Variants in CR1 observed in about 807,000 individuals in gnomAD.
CR1 encodes the protein complement C3b/C4b receptor 1 (Knops blood group), also known as complement receptor type 1.
Under a neutral mutation model 187.3 loss-of-function variants are expected in CR1, and 116 were observed. The ratio of observed to expected loss-of-function variants is 0.62; its 90% CI spans 0.53 to 0.72. CR1 has a LOEUF of 0.72. Ranked by LOEUF, CR1 falls within the 30% of genes least tolerant of loss-of-function variation. CR1 has a pLI of 0.00. For synonymous variants in CR1, 576 were observed against 747.1 expected (o/e 0.77, Z 3.73); for missense variants, 1,731 against 2,110.7 (o/e 0.82, Z 3.52).
At chr1:207,608,147 T>C (rs1027947397) in intron 36 of CR1, among the ~76,000 whole-genome samples, 19 of 152,204 alleles carry the variant, frequency 1.2e-4, no homozygotes, top group Admixed American at 5.2e-4. Flanking sequence ...TGGAAAATGT[T>C]AAACAACCTA....
rs748157061 is a variant in CR1 at position 207,620,065 on chromosome 1, C to A, written c.7252C>A (p.Arg2418Ser). The change falls in exon 43 of 47, where the codon CGT (arginine) becomes AGT (serine). Residue 2418 changes from arginine to serine, a missense_variant and splice_region_variant. Arg to Ser is a moderately radical substitution (Grantham distance 110). This residue lies in a region of CR1 where 1,312 missense variants were observed against 1,379.6 expected (regional missense o/e 0.95). Transcript: ENST00000367049. ...WDPPLAKCTS[R>S]THDALIVGTL... ...CCCTCCTCTGGCCAAATGTACCTCT[C>A]GTAAGTGCAAGTGCAAGGAATGTGG... The A allele has an allele frequency of 6.2e-7, 1 of 1,606,978 alleles. No individual in the cohort carries two copies. The highest frequency in any genetic ancestry group is 8.5e-7 in the Non-Finnish European group (1 of 1,178,002).
intron 4 of CR1, among the ~76,000 whole-genome samples, chr1:207,521,251 A>G (rs890130399): frequency 1.3e-5 from 2 of 152,098 alleles, no homozygotes; most frequent in Non-Finnish European, 2.9e-5. Flanking sequence ...TGCTGGGATT[A>G]CAGGCATGAG....
At chr1:207,595,640 T>C (rs1661408121) in intron 35 of CR1, among the ~76,000 whole-genome samples, 1 of 151,648 alleles carries the variant, frequency 6.6e-6, no homozygotes, top group Non-Finnish European at 1.5e-5. Flanking sequence ...TCGTCTTAAA[T>C]AAGAAGGAAC....
At chr1:207,603,003 G>A (rs1406909650) in intron 35 of CR1, among the ~76,000 whole-genome samples, 2 of 152,106 alleles carry the variant, frequency 1.3e-5, no homozygotes, top group East Asian at 3.9e-4. Context: ...TCAAGAAATG[G>A]AAGATATAAT....
chr1:207,507,716 G>GT (rs1016675644), intron 3 of CR1: 3 of 151,996 alleles, frequency 2.0e-5, no homozygotes, highest in Non-Finnish European at 2.9e-5. Flanking sequence ...TAATTTGGCA[G>GT]TTTTTTATAA....
chr1:207,502,440 G>C (rs1452999578), intron 1 of CR1, among the ~76,000 whole-genome samples: 1 of 152,166 alleles, frequency 6.6e-6, no homozygotes, highest in Non-Finnish European at 1.5e-5. Context: ...GCTGGGGAAG[G>C]CTTCTATAAG....
intron 4 of CR1, among the ~76,000 whole-genome samples, chr1:207,512,886 T>C (rs929092777): frequency 1.7e-4 from 26 of 152,210 alleles, no homozygotes; most frequent in Non-Finnish European, 3.5e-4. Context: ...CCTCTCTGTA[T>C]CCAAATCCTG....
intron 1 of CR1, among the ~76,000 whole-genome samples, chr1:207,497,326 T>C (rs1423228078): frequency 6.6e-6 from 1 of 152,180 alleles, no homozygotes; most frequent in Non-Finnish European, 1.5e-5. Flanking sequence ...GTTAGAACCC[T>C]TCTATTATTA....
At chr1:207,576,468 T>G (rs190095031) in intron 28 of CR1, among the ~76,000 whole-genome samples, 190 of 152,322 alleles carry the variant, frequency 1.2e-3, no homozygotes, top group African/African-American at 4.4e-3. Flanking sequence ...ATATTGTATA[T>G]TTGTGCTTTG....
At chr1:207,630,203 G>A (rs1021916763) in intron 45 of CR1, among the ~76,000 whole-genome samples, 2 of 152,172 alleles carry the variant, frequency 1.3e-5, no homozygotes, top group South Asian at 4.1e-4. Context: ...AAATCTCGAT[G>A]TAAATCCTAT....
intron 4 of CR1, among the ~76,000 whole-genome samples, chr1:207,516,541 T>C (rs553257841): frequency 6.6e-6 from 1 of 152,320 alleles, no homozygotes; most frequent in Admixed American, 6.5e-5. Flanking sequence ...AGAATCCTAC[T>C]TGAATTTGTA....
At position 207,617,540 on chromosome 1, in the gene CR1, T is replaced by G. The variant is rs1273160767; in HGVS notation, c.6890-531T>G. On this transcript the variant is annotated intron_variant, in intron 41 of 46. Transcript: ENST00000367049. ...GTGTGTGTGTGTGTGTGTGTGTGTA[T>G]GTGTGTATATATATATGTGTATATA... Among the ~76,000 whole-genome samples, 64 of 101,600 alleles carry G rather than the reference T, an allele frequency of 6.3e-4. 2 individuals carry two copies. Among genetic ancestry groups the G allele is most frequent in the African/African-American group, 2.6e-3 (62 of 23,902 alleles). 66.7% of individuals were successfully genotyped at this position (101,600 alleles called of 152,430 possible). A position where few individuals can be genotyped will look rare whatever the true frequency, so the allele number is the denominator to read the frequency against.
Position 207,639,461 on chromosome 1 carries a change from G to T in CR1, c.*52G>T, listed in dbSNP as rs917649607. 4 of 1,537,566 alleles carry T rather than the reference G, an allele frequency of 2.6e-6. No individual in the cohort carries two copies. Among genetic ancestry groups the T allele is most frequent in the Non-Finnish European group, 3.6e-6 (4 of 1,126,278 alleles). On this transcript the variant is annotated 3_prime_UTR_variant, in exon 47 of 47. Coordinates refer to ENST00000367049, the MANE Select transcript of CR1 (RefSeq NM_000651.6). Reference sequence around the variant, plus strand: ...CTCGAATACAATTTTGGTGGGAAAGGAGCCAATTGATTTCAACAGAATCAG... The same window carrying T: ...CTCGAATACAATTTTGGTGGGAAAGTAGCCAATTGATTTCAACAGAATCAG...
At chr1:207,606,905 C>T (rs1661769204) in intron 35 of CR1, among the ~76,000 whole-genome samples, 1 of 152,150 alleles carries the variant, frequency 6.6e-6, no homozygotes, top group South Asian at 2.1e-4. Flanking sequence ...ATTTTCCCTG[C>T]TTAATCCAGG....
intron 1 of CR1, among the ~76,000 whole-genome samples, chr1:207,499,405 G>T: frequency 6.6e-6 from 1 of 152,204 alleles, no homozygotes; most frequent in East Asian, 1.9e-4. Flanking sequence ...TACTATCATA[G>T]TTGGAGACTT....
At chr1:207,498,809 C>T (rs1341285513) in intron 1 of CR1, among the ~76,000 whole-genome samples, 3 of 130,286 alleles carry the variant, frequency 2.3e-5, no homozygotes, top group African/African-American at 5.8e-5. Flanking sequence ...ACCTGGGAGG[C>T]GGAGGTTGCA....
intron 1 of CR1, among the ~76,000 whole-genome samples, chr1:207,497,512 TAAATA>T (rs1323068450): frequency 1.3e-5 from 2 of 152,108 alleles, no homozygotes; most frequent in Admixed American, 6.6e-5. Flanking sequence ...TCTAAAAGAG[TAAATA>T]AAATAAAATA....
chr1:207,610,660 C>T (rs940304395), intron 37 of CR1, among the ~76,000 whole-genome samples: 1 of 152,170 alleles, frequency 6.6e-6, no homozygotes, highest in Non-Finnish European at 1.5e-5. Flanking sequence ...CCTGAGAACA[C>T]ACCAATTGTC....
intron 1 of CR1, among the ~76,000 whole-genome samples, chr1:207,498,810 G>A (rs556380488): frequency 7.3e-6 from 1 of 136,946 alleles, no homozygotes; most frequent in South Asian, 2.5e-4. Flanking sequence ...CCTGGGAGGC[G>A]GAGGTTGCAG....
Sources: allele counts gnomAD v4.1 joint callset (sites outside exome capture counted in the v4.1 genomes callset), GRCh38; gene constraint gnomAD v4.1.1; regional missense constraint gnomAD v4.1.1; transcripts MANE v1.5; gene names NCBI Gene and HGNC (gene_info 2026-07-23, HGNC 2026-07-21).